Variants in OVCH1 observed in about 807,000 individuals in gnomAD.
OVCH1 encodes the protein ovochymase-1.
OVCH1 carries 139 observed loss-of-function variants against 138.4 expected under a neutral mutation model. The ratio of observed to expected loss-of-function variants is 1.00; its 90% CI spans 0.87 to 1.16. The LOEUF is 1.16. Among genes scored for constraint, OVCH1 ranks in the 50% most tolerant of loss-of-function variants. OVCH1 has a pLI of 0.00. For missense variants in OVCH1, 1,367 were observed against 1,357.9 expected (o/e 1.01, Z -0.11); for synonymous variants, 453 against 467.8 (o/e 0.97, Z 0.41).
intron 15 of OVCH1, among the ~76,000 whole-genome samples, chr12:29,472,218 ATATT>A: frequency 6.6e-6 from 1 of 152,278 alleles, no homozygotes; most frequent in East Asian, 1.9e-4. Context: ...CATTTAGCAA[ATATT>A]TATTTAGTGC....
chr12:29,452,556 CA>C (rs200463064), intron 21 of OVCH1, among the ~76,000 whole-genome samples: 5 of 151,994 alleles, frequency 3.3e-5, no homozygotes, highest in African/African-American at 1.2e-4. Context: ...GTGTATAAAA[CA>C]AAAAAAATCA....
intron 22 of OVCH1, among the ~76,000 whole-genome samples, chr12:29,449,868 C>G (rs1419690484): frequency 6.6e-6 from 1 of 152,142 alleles, no homozygotes; most frequent in Non-Finnish European, 1.5e-5. Flanking sequence ...CACACATCTA[C>G]AACCATCTGA....
chr12:29,474,108 T>TAAATGCTCAAA (rs1942619804), intron 14 of OVCH1, among the ~76,000 whole-genome samples: 1 of 129,432 alleles, frequency 7.7e-6, no homozygotes, highest in Non-Finnish European at 1.8e-5. Flanking sequence ...CACACACATA[T>TAAATGCTCAAA]ATATATCTGT....
At chr12:29,444,906 TA>T (rs1341193222) in intron 23 of OVCH1, among the ~76,000 whole-genome samples, 1 of 152,086 alleles carries the variant, frequency 6.6e-6, no homozygotes, top group Non-Finnish European at 1.5e-5. Flanking sequence ...TCAGAGATAA[TA>T]AATTGTCCAG....
chr12:29,470,653 A>G (rs1411592784), intron 16 of OVCH1, among the ~76,000 whole-genome samples: 1 of 152,136 alleles, frequency 6.6e-6, no homozygotes, highest in African/African-American at 2.4e-5. Flanking sequence ...AGTCTTTGCT[A>G]TTGTGAATAG....
chr12:29,488,620 CAAAAAAAAAAA>C (rs67595567), intron 6 of OVCH1, among the ~76,000 whole-genome samples: 9 of 61,734 alleles, frequency 1.5e-4, no homozygotes, highest in African/African-American at 5.4e-4. Context: ...GACTCCATCT[CAAAAAAAAAAA>C]AAAAAAAAAA....
the OVCH1 span, among the ~76,000 whole-genome samples, chr12:29,402,741 G>A: frequency 1.3e-5 from 2 of 151,908 alleles, no homozygotes; most frequent in Non-Finnish European, 2.9e-5. Flanking sequence ...AGGGAGAGAT[G>A]GATTGAGAAG....
In OVCH1 at chr12:29,446,855, G is replaced by A. The variant is rs936997275; in HGVS notation, c.2756-1452C>T. ...ATTAAAGATTCTGACCTCAGAATGC[G>A]GAATAAATTTTTAAGCATGAAAGCA... On this transcript the variant is annotated intron_variant, in intron 22 of 27. Transcript: ENST00000318184. Among the ~76,000 whole-genome samples, 8 of 151,496 alleles carry A rather than the reference G, an allele frequency of 5.3e-5. No individual in the cohort carries two copies. In the East Asian group the frequency reaches 5.8e-4, roughly 11 times the overall value.
intron 8 of OVCH1, among the ~76,000 whole-genome samples, chr12:29,482,710 T>C (rs1205997325): frequency 1.3e-5 from 2 of 152,228 alleles, no homozygotes; most frequent in East Asian, 3.8e-4. Context: ...AAGTTTGAGT[T>C]TCTATATGCG....
intron 25 of OVCH1, chr12:29,440,437 G>A (rs1941455292): frequency 5.1e-6 from 1 of 195,094 alleles, no homozygotes; most frequent in Non-Finnish European, 1.1e-5. Context: ...ACCCATAGAA[G>A]AGGCAATAGG....
chr12:29,451,606 T>C, intron 21 of OVCH1, 37 bp from the exon 22 acceptor site: 1 of 1,509,646 alleles, frequency 6.6e-7, no homozygotes, highest in Non-Finnish European at 9.0e-7. Context: ...GGGACCAACA[T>C]AAATAAAGCA....
At chr12:29,426,884 C>T (rs2135893728), downstream of OVCH1, among the ~76,000 whole-genome samples, 2 of 152,320 alleles carry the variant, frequency 1.3e-5, no homozygotes, top group Admixed American at 1.3e-4. Context: ...CTACTGAGCA[C>T]TTGAAATGTT....
chr12:29,414,559 C>G (rs895363184), intron 3 of OVCH1, among the ~76,000 whole-genome samples: 14 of 152,274 alleles, frequency 9.2e-5, no homozygotes, highest in African/African-American at 3.4e-4. Flanking sequence ...ACTTTAAAAA[C>G]TAGCAACTAT....
intron 16 of OVCH1, among the ~76,000 whole-genome samples, chr12:29,470,063 A>G (rs1389537460): frequency 1.3e-5 from 2 of 152,204 alleles, no homozygotes; most frequent in South Asian, 2.1e-4. Context: ...GAGATGAAGT[A>G]AGACACAAGA....
intron 3 of OVCH1, among the ~76,000 whole-genome samples, chr12:29,415,275 G>A (rs1242942405): frequency 2.6e-5 from 4 of 152,108 alleles, no homozygotes; most frequent in Admixed American, 6.6e-5. Context: ...AAGGGGGAAC[G>A]TTTGTAATGA....
At chr12:29,449,276 T>TACACACACACAC (rs10651165) in intron 22 of OVCH1, among the ~76,000 whole-genome samples, 74 of 137,438 alleles carry the variant, frequency 5.4e-4, no homozygotes, top group Non-Finnish European at 1.0e-3. Context: ...CCCCCCTCCC[T>TACACACACACAC]ACACACACAC....
At chr12:29,464,752 C>A (rs1198856062) in intron 17 of OVCH1, 50 bp from the exon 18 acceptor site, 1 of 1,494,452 alleles carries the variant, frequency 6.7e-7, no homozygotes, top group South Asian at 1.2e-5. Flanking sequence ...GTCAAAGAAT[C>A]CAGCAACTTC....
chr12:29,402,657 G>A, the OVCH1 span, among the ~76,000 whole-genome samples: 1 of 151,738 alleles, frequency 6.6e-6, no homozygotes, highest in African/African-American at 2.4e-5. Context: ...AGAAAAGAAA[G>A]GAGAAGAGGG....
chr12:29,486,165 G>A, intron 8 of OVCH1, 85 bp downstream of exon 8: 1 of 1,264,172 alleles, frequency 7.9e-7, no homozygotes, highest in Non-Finnish European at 1.1e-6. Context: ...AACTCAGATT[G>A]TGAATATGGT....
Sources: allele counts gnomAD v4.1 joint callset (sites outside exome capture counted in the v4.1 genomes callset), GRCh38; gene constraint gnomAD v4.1.1; transcripts MANE v1.5; gene names NCBI Gene and HGNC (gene_info 2026-07-23, HGNC 2026-07-21).